Variants in SEMA4D observed in about 807,000 individuals in gnomAD.
SEMA4D encodes the protein semaphorin-4D.
In SEMA4D, 22 loss-of-function variants were observed where a neutral mutation model predicts 74.8. That is an observed-to-expected ratio of 0.29 (90% CI 0.21 to 0.42). The LOEUF (loss-of-function observed/expected upper bound fraction) is 0.42. Ranked by LOEUF, SEMA4D falls within the 10% of genes least tolerant of loss-of-function variation. The pLI is 1.00. For synonymous variants in SEMA4D, 445 were observed against 463.7 expected, an observed-to-expected ratio of 0.96 and a Z score of 0.52; for missense variants, 937 against 1,118.4, an observed-to-expected ratio of 0.84 and a Z score of 2.31.
At chr9:89,458,560 A>ACACC (rs909966756) in intron 1 of SEMA4D, among the ~76,000 whole-genome samples, 2 of 152,000 alleles carry the variant, frequency 1.3e-5, no homozygotes, top group Non-Finnish European at 2.9e-5. Flanking sequence ...AAGCAGACAC[A>ACACC]CACCCACCCA....
In SEMA4D at chr9:89,387,618, G is replaced by A. The variant is rs1462457134; in HGVS notation, c.1108-10C>T. The stretch of plus-strand genomic sequence containing the variant: ...CCTCGCTGTCGATGCACTGCAGGGA[G>A]AAAATCCCCGCTGTTAACGTGCTCG... On this transcript the variant is annotated splice_polypyrimidine_tract_variant and intron_variant, in intron 11 of 15. Transcript: ENST00000422704. The A allele has an allele frequency of 2.5e-6, 4 of 1,612,382 alleles. No homozygotes were observed. The highest frequency in any genetic ancestry group is 1.1e-5 in the South Asian group (1 of 91,024).
chr9:89,378,760 G>A lies in SEMA4D; in HGVS notation c.2533C>T (p.Pro845Ser). ...RIDDLSARDK[P>S]FDVKCELKFA... ...TTCAGCTCACACTTGACGTCAAAGG[G>A]CTTGTCCCTGGCAGAAAGGTCGTCG... is the stretch of plus-strand genomic sequence containing the variant. Residue 845 changes from proline to serine, a missense_variant, in exon 16 of 16, where the codon CCC becomes TCC. Coordinates refer to ENST00000422704, the MANE Select transcript of SEMA4D (RefSeq NM_001371194.2). 6.2e-7 allele frequency: 1 copy of A among 1,614,206 alleles called. No homozygotes were observed. Among genetic ancestry groups the A allele is most frequent in the Non-Finnish European group, 8.5e-7 (1 of 1,180,046 alleles).
downstream of SEMA4D, among the ~76,000 whole-genome samples, chr9:89,374,169 G>A (rs1446505386): frequency 1.3e-5 from 2 of 152,190 alleles, no homozygotes; most frequent in Non-Finnish European, 2.9e-5. Context: ...AAAAGGGGGT[G>A]GCGGAGGGCT....
chr9:89,485,394 C>A (rs1165131046), intron 1 of SEMA4D, among the ~76,000 whole-genome samples: 3 of 152,140 alleles, frequency 2.0e-5, no homozygotes, highest in African/African-American at 7.2e-5. Flanking sequence ...TGAGAAACAC[C>A]CTTTTCAATA....
At chr9:89,385,866 G>GGGGGGGGGGCCCCCCCCCCC in intron 13 of SEMA4D, 1 of 196,226 alleles carries the variant, frequency 5.1e-6, no homozygotes, top group Non-Finnish European at 9.0e-6. Flanking sequence ...CAGCGTGGAT[G>GGGGGGGGGGCCCCCCCCCCC]CCCGCCCACC....
At position 89,377,834 on chromosome 9, in the gene SEMA4D, T is replaced by C. The variant is rs947110375; in HGVS notation, c.*870A>G. 2 of 151,930 alleles carry C rather than the reference T, an allele frequency of 1.3e-5. No homozygotes were observed. Among genetic ancestry groups the C allele is most frequent in the African/African-American group, 4.8e-5 (2 of 41,338 alleles). 9.4% of individuals were successfully genotyped at this position (151,930 alleles called of 1,614,324 possible). The stretch of plus-strand genomic sequence containing the variant: ...CTCAGCTCATCCAGGCTACCTTCCC[T>C]TGCTCAAAACCCACCTCGTGGATGT... On this transcript the variant is annotated 3_prime_UTR_variant, in exon 16 of 16. Transcript: ENST00000422704.
chr9:89,427,718 C>A (rs1480324959), intron 2 of SEMA4D, among the ~76,000 whole-genome samples: 1 of 152,204 alleles, frequency 6.6e-6, no homozygotes, highest in African/African-American at 2.4e-5. Flanking sequence ...AAGTCCCATC[C>A]CGGTGTCTGT....
intron 1 of SEMA4D, among the ~76,000 whole-genome samples, chr9:89,496,804 G>T (rs1826052070): frequency 1.3e-5 from 2 of 152,126 alleles, no homozygotes; most frequent in African/African-American, 4.8e-5. Flanking sequence ...GGACACATAT[G>T]AGGTGACAGG....
intron 1 of SEMA4D, among the ~76,000 whole-genome samples, chr9:89,493,813 A>T (rs1825806380): frequency 6.6e-6 from 1 of 152,216 alleles, no homozygotes; most frequent in East Asian, 1.9e-4. Context: ...CAAAGACACC[A>T]CAGGAAATGC....
chr9:89,497,778 G>C (rs1390858671), intron 1 of SEMA4D, 141 bp downstream of exon 1: 3 of 151,708 alleles, frequency 2.0e-5, no homozygotes, highest in Non-Finnish European at 4.4e-5. Flanking sequence ...GGAGGCTCCT[G>C]CAGGGGTTCG....
At chr9:89,411,837 T>C (rs574338023) in intron 2 of SEMA4D, among the ~76,000 whole-genome samples, 36 of 152,242 alleles carry the variant, frequency 2.4e-4, no homozygotes, top group Non-Finnish European at 4.4e-4. Context: ...GCTGTAAAAA[T>C]AGGATTGTTC....
intron 2 of SEMA4D, among the ~76,000 whole-genome samples, chr9:89,414,323 T>G (rs1410242583): frequency 6.6e-6 from 1 of 152,240 alleles, no homozygotes; most frequent in Non-Finnish European, 1.5e-5. Flanking sequence ...GAGCGTGTTC[T>G]GGCTTATTTC....
rs530389436 is a variant in SEMA4D at position 89,418,271 on chromosome 9, T to C, written c.-243-12572A>G. On this transcript the variant is annotated intron_variant, in intron 2 of 15. Coordinates refer to ENST00000422704, the MANE Select transcript of SEMA4D (RefSeq NM_001371194.2). ...ACGCAGGATCAGCTTGGCTTGCATG[T>C]GCTGGGGAAGACAGCACTGGGGCAG... 3 of 742,038 alleles carry C rather than the reference T, an allele frequency of 4.0e-6. No homozygotes were observed. In the East Asian group the frequency reaches 3.9e-4, roughly 97 times the overall value. 46.0% of individuals were successfully genotyped at this position (742,038 alleles called of 1,614,324 possible). A position where few individuals can be genotyped will look rare whatever the true frequency, so the allele number is the denominator to read the frequency against.
At chr9:89,383,933 ATC>A (rs1393003730) in intron 13 of SEMA4D, among the ~76,000 whole-genome samples, 4 of 152,098 alleles carry the variant, frequency 2.6e-5, no homozygotes, top group East Asian at 3.9e-4. Flanking sequence ...TCATGCTCCC[ATC>A]TCTGTCTCTG....
At chr9:89,362,317 C>A in exon 19 of SEMA4D, 2 of 1,612,096 alleles carry the variant, frequency 1.2e-6, no homozygotes, top group Non-Finnish European at 1.7e-6. Flanking sequence ...TGTGGGGGAC[C>A]AGGCCTTCTC....
At chr9:89,496,198 G>A (rs942517019) in intron 1 of SEMA4D, among the ~76,000 whole-genome samples, 1 of 152,198 alleles carries the variant, frequency 6.6e-6, no homozygotes, top group Non-Finnish European at 1.5e-5. Flanking sequence ...AGGGGGGTCT[G>A]TGCAAGGCTG....
intron 2 of SEMA4D, among the ~76,000 whole-genome samples, chr9:89,408,387 A>G (rs1339397756): frequency 6.6e-6 from 1 of 152,162 alleles, no homozygotes; most frequent in African/African-American, 2.4e-5. Flanking sequence ...TCCTCATTGC[A>G]TGCAATGACA....
intron 13 of SEMA4D, among the ~76,000 whole-genome samples, chr9:89,384,080 G>A (rs979414761): frequency 6.6e-6 from 1 of 152,214 alleles, no homozygotes; most frequent in African/African-American, 2.4e-5. Context: ...AGGAGTCCTG[G>A]TGAAAATACA....
rs747394015 is a variant in SEMA4D at position 89,381,315 on chromosome 9, G to A, written c.1478C>T (p.Ser493Leu). The A allele has an allele frequency of 1.5e-5, 23 of 1,524,460 alleles. No homozygotes were observed. Among genetic ancestry groups the A allele is most frequent in the African/African-American group, 1.2e-4 (9 of 72,360 alleles). The allele number at this position is 1,524,460 out of a possible 1,614,324, so 94.4% of individuals were successfully genotyped here. The change falls in exon 14 of 16, where the codon TCG becomes TTG. Residue 493 changes from serine to leucine, a missense_variant. Ser to Leu is a moderately radical substitution (Grantham distance 145). Coordinates refer to ENST00000422704, the MANE Select transcript of SEMA4D (RefSeq NM_001371194.2). This position sits in a 1 kb window ranked among gnomAD's most constrained non-coding sequence, Gnocchi z 4.6. ...GNRFVYAGSNSGVVQAPLAFC... is the reference protein window; with the variant it reads ...GNRFVYAGSNLGVVQAPLAFC... Reference sequence around the variant, plus strand: ...GGCCAGCGGGGCCTGGACCACGCCCGAGTTAGAGCCAGCATAGACAAACCT... The same window carrying A: ...GGCCAGCGGGGCCTGGACCACGCCCAAGTTAGAGCCAGCATAGACAAACCT...
Sources: gnomAD v4.1 joint callset for allele counts (sites outside exome capture counted in the v4.1 genomes callset) on GRCh38, gnomAD v4.1.1 for gene constraint, Gnocchi (gnomAD v3.1) non-coding constraint, MANE v1.5 for transcripts, NCBI Gene and HGNC (gene_info 2026-07-23, HGNC 2026-07-21) for gene names.